The following PSME4 variants were observed in gnomAD, a reference collection of about 807,000 sequenced individuals.
PSME4 encodes proteasome activator complex subunit 4.
Under a neutral mutation model 253.9 loss-of-function variants are expected in PSME4, and 89 were observed. The observed-to-expected ratio is 0.35, with a 90% confidence interval of 0.30 to 0.42. PSME4 has a LOEUF of 0.42. Ranked by LOEUF, PSME4 falls within the 10% of genes least tolerant of loss-of-function variation. PSME4 has a pLI of 1.00. For missense variants in PSME4, 2,014 were observed against 2,195.2 expected (o/e 0.92, Z 1.65); for synonymous variants, 851 against 759.2 (o/e 1.12, Z -1.99).
chr2:53,956,390 C>A (rs2104483186), intron 1 of PSME4, among the ~76,000 whole-genome samples: 1 of 151,508 alleles, frequency 6.6e-6, no homozygotes, highest in East Asian at 2.0e-4. Context: ...ATTAGCAGGG[C>A]ATGGTGGTTA....
intron 1 of PSME4, among the ~76,000 whole-genome samples, chr2:53,954,727 G>C (rs1670154548): frequency 6.6e-6 from 1 of 151,942 alleles, no homozygotes; most frequent in Non-Finnish European, 1.5e-5. Flanking sequence ...TGTAGTCCCA[G>C]CTACTTGGGA....
At chr2:53,953,962 T>C (rs1020002993) in intron 1 of PSME4, among the ~76,000 whole-genome samples, 5 of 152,208 alleles carry the variant, frequency 3.3e-5, no homozygotes, top group African/African-American at 4.8e-5. Context: ...GATAATACAA[T>C]AGCATTTCCA....
rs200653451 is a variant in PSME4 at position 53,922,626 on chromosome 2, T to C, written c.1979-42A>G. On this transcript the variant is annotated intron_variant, in intron 16 of 46. Coordinates refer to ENST00000404125, the MANE Select transcript of PSME4 (RefSeq NM_014614.3). ...ACTATTAGGGGGAAAAACCTATGCATTCAACTAAATATAGCATTTTAAAAT... is the reference window on the plus strand; with the variant it reads ...ACTATTAGGGGGAAAAACCTATGCACTCAACTAAATATAGCATTTTAAAAT... 449 of 1,587,806 alleles carry C rather than the reference T, an allele frequency of 2.8e-4. No individual in the cohort carries two copies. The African/African-American group carries it at 5.4e-3, about 19-fold the overall frequency.
chr2:53,895,007 C>T lies in PSME4; in HGVS notation c.3912G>A (p.Glu1304=). The change falls in exon 34 of 47, where the codon GAG becomes GAA. Residue 1304 remains glutamate (E), a splice_region_variant and synonymous_variant. Transcript: ENST00000404125. Reference sequence around the variant, plus strand: ...AACCATGGTGAAATGGAATGCTTACCTCTGTCATATCCTCCCTGCTTCTGC... The same window carrying T: ...AACCATGGTGAAATGGAATGCTTACTTCTGTCATATCCTCCCTGCTTCTGC... ...KLGRSREDMT[E]AEQIIFDHFS... 6.2e-7 allele frequency: 1 copy of T among 1,611,158 alleles called. No individual in the cohort carries two copies. Among genetic ancestry groups the T allele is most frequent in the Non-Finnish European group, 8.5e-7 (1 of 1,179,140 alleles).
chr2:53,953,362 A>C (rs1324252105), intron 1 of PSME4, among the ~76,000 whole-genome samples: 1 of 152,048 alleles, frequency 6.6e-6, no homozygotes, highest in East Asian at 1.9e-4. Context: ...CCAATTAAAA[A>C]TGGGCAAAAA....
rs148331400 is a variant in PSME4, at chr2:53,936,108, A to G, written c.813T>C (p.Asp271=). Residue 271 remains aspartate, a synonymous_variant, in exon 7 of 47, where the codon GAT becomes GAC. Coordinates refer to ENST00000404125, the MANE Select transcript of PSME4 (RefSeq NM_014614.3). The part of the protein sequence containing the change: ...RLATDNIGYI[D]WDPYVPKIFT... ...TTACCTTTGGTACATATGGATCCCA[A>G]TCTATGTACCCTATATTATCTGTAG... is the stretch of plus-strand genomic sequence containing the variant. The G allele has an allele frequency of 5.8e-3, 9,324 of 1,612,822 alleles. 44 individuals are homozygous for G. Among genetic ancestry groups the G allele is most frequent in the Middle Eastern group, 0.014 (84 of 6,054 alleles).
At chr2:53,887,643 T>C (rs890468288) in intron 39 of PSME4, among the ~76,000 whole-genome samples, 176 bp from the exon 40 acceptor site, 1 of 152,196 alleles carries the variant, frequency 6.6e-6, no homozygotes, top group Non-Finnish European at 1.5e-5. Context: ...CACTTAGGTG[T>C]TGTGACTGCT....
chr2:53,953,150 T>A (rs1670074682), intron 1 of PSME4, among the ~76,000 whole-genome samples: 1 of 152,128 alleles, frequency 6.6e-6, no homozygotes, highest in South Asian at 2.1e-4. Context: ...GGTTCTTATC[T>A]CAGCATTTAT....
chr2:53,937,992 C>CAA (rs761577710), intron 4 of PSME4, among the ~76,000 whole-genome samples: 2 of 113,364 alleles, frequency 1.8e-5, no homozygotes. Flanking sequence ...GACTCCATCT[C>CAA]AAAAAAAAAA....
intron 1 of PSME4, among the ~76,000 whole-genome samples, chr2:53,961,033 G>T (rs974948260): frequency 1.3e-5 from 2 of 152,146 alleles, no homozygotes; most frequent in African/African-American, 4.8e-5. Flanking sequence ...CTTGAACCTG[G>T]GAGGCAGAGG....
intron 26 of PSME4, among the ~76,000 whole-genome samples, chr2:53,905,460 G>T (rs1333849721): frequency 6.6e-6 from 1 of 152,140 alleles, no homozygotes; most frequent in Non-Finnish European, 1.5e-5. Context: ...CAATACCATG[G>T]GAGGCCCAGG....
At chr2:53,885,039 T>C (rs2104421536) in intron 41 of PSME4, among the ~76,000 whole-genome samples, 1 of 152,348 alleles carries the variant, frequency 6.6e-6, no homozygotes, top group South Asian at 2.1e-4. Flanking sequence ...TGGTGATGTT[T>C]ATGCCAAGCC....
At chr2:53,940,936 TATAA>T (rs1290465839) in intron 3 of PSME4, among the ~76,000 whole-genome samples, 1 of 53,644 alleles carries the variant, frequency 1.9e-5, no homozygotes. Context: ...ATAATACATA[TATAA>T]ATATATATAT....
rs367556661 is a variant in PSME4, at chr2:53,916,294, G to C, written c.2516+2857C>G. Among the ~76,000 whole-genome samples the C allele has an allele frequency of 2.5e-4, 38 of 150,968 alleles. 1 individual carries two copies. In the East Asian group the frequency reaches 6.6e-3, roughly 26 times the overall value. On this transcript the variant is annotated intron_variant, in intron 20 of 46. Transcript: ENST00000404125. The stretch of plus-strand genomic sequence containing the variant: ...AATTGCTATGTGCGTCTAAAAACTG[G>C]TCTGGTATTTCAGAAAATGCATAAT...
At chr2:53,936,274 A>G in intron 6 of PSME4, 113 bp from the exon 7 acceptor site, 1 of 1,425,174 alleles carries the variant, frequency 7.0e-7, no homozygotes, top group Non-Finnish European at 9.2e-7. Context: ...CAATCTACTT[A>G]AATAGATAGT....
chr2:53,947,252 C>T (rs1669753451), intron 3 of PSME4, among the ~76,000 whole-genome samples: 1 of 152,040 alleles, frequency 6.6e-6, no homozygotes, highest in African/African-American at 2.4e-5. Context: ...TAAGTAAAGG[C>T]TGAGGGTTAA....
At chr2:53,888,537 TG>T (rs1305291531) in intron 38 of PSME4, among the ~76,000 whole-genome samples, 183 bp downstream of exon 38, 1 of 152,220 alleles carries the variant, frequency 6.6e-6, no homozygotes. Context: ...CTCACTTACT[TG>T]TCCAACTAAT....
chr2:53,964,000 A>G (rs1339926494), intron 1 of PSME4, among the ~76,000 whole-genome samples: 3 of 152,200 alleles, frequency 2.0e-5, no homozygotes, highest in Admixed American at 6.5e-5. Context: ...TCTTTTGAAT[A>G]TTTGATATTT....
At chr2:53,893,105 T>C in intron 35 of PSME4, 145 bp from the exon 36 acceptor site, 1 of 593,262 alleles carries the variant, frequency 1.7e-6, no homozygotes, top group Non-Finnish European at 2.7e-6. Context: ...TTGCGGTAAG[T>C]TAAAATAGTA....
Sources: gnomAD v4.1 joint callset for allele counts (sites outside exome capture counted in the v4.1 genomes callset) on GRCh38, gnomAD v4.1.1 for gene constraint, MANE v1.5 for transcripts, NCBI Gene and HGNC (gene_info 2026-07-23, HGNC 2026-07-21) for gene names.